The following SPTBN1 variants were observed in gnomAD, a reference collection of about 807,000 sequenced individuals.
The protein encoded by SPTBN1 is spectrin beta chain, non-erythrocytic 1.
A neutral mutation model predicts 266.4 loss-of-function variants in SPTBN1; 32 were observed. The ratio of observed to expected loss-of-function variants is 0.12; its 90% CI spans 0.09 to 0.16. The LOEUF is 0.16. Among genes scored for constraint, SPTBN1 ranks in the 10% least tolerant of loss-of-function variants. The pLI is 1.00. For synonymous variants in SPTBN1, 1,336 were observed against 1,162.2 expected, an observed-to-expected ratio of 1.15 and a Z score of -3.04; for missense variants, 2,296 against 3,067.1, an observed-to-expected ratio of 0.75 and a Z score of 5.94.
chr2:54,459,025 G>C (rs1014810859), intron 1 of SPTBN1, among the ~76,000 whole-genome samples: 1 of 152,252 alleles, frequency 6.6e-6, no homozygotes, highest in Admixed American at 6.5e-5. Flanking sequence ...ATCGTGTTGC[G>C]TACAGATTTT....
At chr2:54,635,395 G>T (rs1679050908) in intron 17 of SPTBN1, among the ~76,000 whole-genome samples, 1 of 152,228 alleles carries the variant, frequency 6.6e-6, no homozygotes, top group Non-Finnish European at 1.5e-5. Flanking sequence ...ACCACACGAA[G>T]GCCGTTGTCA....
intron 10 of SPTBN1, 113 bp from the exon 11 acceptor site, chr2:54,624,691 T>G (rs1678213338): frequency 2.0e-6 from 3 of 1,466,150 alleles, no homozygotes; most frequent in Non-Finnish European, 2.7e-6. Flanking sequence ...GGATTTCCCA[T>G]TCAAGCTGTC....
intron 1 of SPTBN1, among the ~76,000 whole-genome samples, chr2:54,504,513 G>A (rs904437444): frequency 2.0e-5 from 3 of 152,176 alleles, no homozygotes; most frequent in Admixed American, 6.5e-5. Context: ...GCAGAAGCAC[G>A]ATTTGCTGCT....
chr2:54,577,454 A>T (rs1674569649), intron 2 of SPTBN1, among the ~76,000 whole-genome samples: 1 of 152,210 alleles, frequency 6.6e-6, no homozygotes, highest in Non-Finnish European at 1.5e-5. Context: ...AGGGAAAGCA[A>T]AAGAAAAGGT....
intron 3 of SPTBN1, among the ~76,000 whole-genome samples, chr2:54,611,440 G>A (rs1677205002): frequency 6.6e-6 from 1 of 151,974 alleles, no homozygotes; most frequent in Non-Finnish European, 1.5e-5. Context: ...TATAGTAGAT[G>A]TATATATACA....
At chr2:54,519,738 G>T (rs1405716668) in intron 1 of SPTBN1, among the ~76,000 whole-genome samples, 2 of 152,126 alleles carry the variant, frequency 1.3e-5, no homozygotes, top group African/African-American at 4.8e-5. Context: ...CGGTCCCTCT[G>T]GTAGCATTGT....
intron 1 of SPTBN1, among the ~76,000 whole-genome samples, chr2:54,463,769 A>T (rs969733557): frequency 1.2e-4 from 19 of 152,238 alleles, no homozygotes; most frequent in Non-Finnish European, 2.4e-4. Flanking sequence ...AGCAAATAAC[A>T]ATCATTTAGA....
intron 2 of SPTBN1, among the ~76,000 whole-genome samples, chr2:54,588,207 C>T (rs1675419085): frequency 6.6e-6 from 1 of 152,308 alleles, no homozygotes; most frequent in Non-Finnish European, 1.5e-5. Flanking sequence ...CTTCCTCCTC[C>T]TTTTAACCAC....
In SPTBN1 at chr2:54,577,167, G is replaced by A. The variant is rs546638675; in HGVS notation, c.149-21925G>A. On this transcript the variant is annotated intron_variant, in intron 2 of 35. Transcript: ENST00000356805. ...TTGGCACAGGTCCCGGGAATCAGGT[G>A]CTGCTTAGCAGCTGATGTTGGTTAA... 3.9e-5 allele frequency among the ~76,000 whole-genome samples: 6 copies of A among 152,316 alleles called. No individual in the cohort carries two copies. The South Asian group carries it at 8.3e-4, about 21-fold the overall frequency.
At chr2:54,545,258 G>A (rs910618032) in intron 2 of SPTBN1, 22 of 152,288 alleles carry the variant, frequency 1.4e-4, no homozygotes, top group African/African-American at 4.3e-4. Flanking sequence ...TGTCTTTATA[G>A]TAGAATGATG....
chr2:54,624,161 A>T (rs1331169192), intron 10 of SPTBN1, among the ~76,000 whole-genome samples: 1 of 152,114 alleles, frequency 6.6e-6, no homozygotes, highest in East Asian at 1.9e-4. Context: ...TTTTTAATGG[A>T]GGCAGGGTCT....
Position 54,669,514 on chromosome 2 carries a change from T to G in SPTBN1, c.*945T>G, listed in dbSNP as rs1210891005. 6.5e-6 allele frequency: 1 copy of G among 152,674 alleles called. No individual in the cohort carries two copies. The highest frequency in any genetic ancestry group is 1.5e-5 in the Non-Finnish European group (1 of 68,030). 9.5% of individuals were successfully genotyped at this position (152,674 alleles called of 1,614,324 possible). ...CTATTGTAATGACAAATTTTCATCT[T>G]ACTGCACAATCAAAATGACATTGAT... is the stretch of plus-strand genomic sequence containing the variant. On this transcript the variant is annotated 3_prime_UTR_variant, in exon 36 of 36. Transcript: ENST00000356805.
chr2:54,637,598 C>A, intron 17 of SPTBN1, 115 bp from the exon 18 acceptor site: 1 of 812,668 alleles, frequency 1.2e-6, no homozygotes, highest in Non-Finnish European at 1.9e-6. Flanking sequence ...TTGAGAACTG[C>A]AAGCAAACTC....
intron 17 of SPTBN1, among the ~76,000 whole-genome samples, chr2:54,637,151 C>T (rs1282982580): frequency 6.6e-6 from 1 of 152,028 alleles, no homozygotes; most frequent in African/African-American, 2.4e-5. Context: ...CTTCTTTGAG[C>T]TTTAGTTACC....
chr2:54,636,593 C>T (rs1012609802), intron 17 of SPTBN1, among the ~76,000 whole-genome samples: 3 of 152,190 alleles, frequency 2.0e-5, no homozygotes. Context: ...GTCAGCAGCA[C>T]GTGTTCACCA....
chr2:54,641,604 CT>C (rs1558459803), intron 18 of SPTBN1, among the ~76,000 whole-genome samples: 1 of 152,102 alleles, frequency 6.6e-6, no homozygotes. Flanking sequence ...ATGAGATTTG[CT>C]AGTTTTTCCC....
intron 1 of SPTBN1, among the ~76,000 whole-genome samples, chr2:54,459,603 A>AT (rs34862405): frequency 0.27 from 41,745 of 151,978 alleles, 6,719 homozygotes; most frequent in African/African-American, 0.44. Context: ...TTAAAGCCTA[A>AT]TTTTTTTTAC....
chr2:54,631,128 C>A lies in SPTBN1; in HGVS notation c.3081C>A (p.Pro1027=). 3 of 1,614,206 alleles carry A rather than the reference C, an allele frequency of 1.9e-6. No homozygotes were observed. The highest frequency in any genetic ancestry group is 1.6e-4 in the Middle Eastern group (1 of 6,062). ...KEAEKLESEH[P]DQAQAILSRL... Reference sequence around the variant, plus strand: ...CGGAGAAGCTGGAGTCCGAGCACCCCGACCAGGCCCAGGCCATCCTGTCTC... The same window carrying A: ...CGGAGAAGCTGGAGTCCGAGCACCCAGACCAGGCCCAGGCCATCCTGTCTC... The change falls in exon 16 of 36, where the codon CCC becomes CCA. Residue 1027 remains proline, a synonymous_variant. Transcript: ENST00000356805.
rs552160090 is a variant in SPTBN1, at chr2:54,558,021, G to A, written c.148+31455G>A. On this transcript the variant is annotated intron_variant, in intron 2 of 35. Coordinates refer to ENST00000356805, the MANE Select transcript of SPTBN1 (RefSeq NM_003128.3). The surrounding 1 kb of genome is among the most constrained non-coding windows in gnomAD (Gnocchi z 4.6). ...GAGCCGCGCGGGCCCGGGACCCTTG[G>A]GGCTCTTCACTCTCCAGGCCGTCCC... 2 of 985,422 alleles carry A rather than the reference G, an allele frequency of 2.0e-6. No individual in the cohort carries two copies. Among genetic ancestry groups the A allele is most frequent in the South Asian group, 4.7e-5 (1 of 21,290 alleles). 61.0% of individuals were successfully genotyped at this position (985,422 alleles called of 1,614,324 possible).
Sources: allele counts gnomAD v4.1 joint callset (sites outside exome capture counted in the v4.1 genomes callset), GRCh38; gene constraint gnomAD v4.1.1; non-coding constraint Gnocchi (gnomAD v3.1); transcripts MANE v1.5; gene names NCBI Gene and HGNC (gene_info 2026-07-23, HGNC 2026-07-21).